MTPAP: variants seen among roughly 807,000 people sequenced by gnomAD.
MTPAP encodes poly(A) RNA polymerase, mitochondrial.
Under a neutral mutation model 48.7 loss-of-function variants are expected in MTPAP, and 23 were observed. The observed-to-expected ratio is 0.47, with a 90% CI of 0.34 to 0.67. MTPAP has a LOEUF of 0.67. MTPAP is among the 30% of genes least tolerant of loss of function. The pLI is 0.01. For missense variants in MTPAP, 614 were observed against 694.3 expected, an observed-to-expected ratio of 0.88 and a Z score of 1.30; for synonymous variants, 257 against 254.1, an observed-to-expected ratio of 1.01 and a Z score of -0.11.
Position 30,336,998 on chromosome 10 carries a change from C to T in MTPAP, c.585G>A (p.Lys195=), listed in dbSNP as rs144945655. 4.1e-4 allele frequency: 655 copies of T among 1,613,468 alleles called. 4 individuals are homozygous for T. The African/African-American group carries it at 7.6e-3, about 19-fold the overall frequency. The part of the protein sequence containing the change: ...SIDDQLNTLL[K]EFQLTEENTK... ...TGTTCTCCTCTGTTAGCTGGAACTC[C>T]TTCAAGAGAGTGTTCAGCTGATCGT... Residue 195 remains lysine (K), a synonymous_variant, in exon 4 of 9, where the codon AAG becomes AAA. Coordinates refer to ENST00000263063, the MANE Select transcript of MTPAP (RefSeq NM_018109.4).
intron 6 of MTPAP, among the ~76,000 whole-genome samples, chr10:30,317,428 A>C (rs1163862087): frequency 6.6e-6 from 1 of 152,246 alleles, no homozygotes; most frequent in Non-Finnish European, 1.5e-5. Flanking sequence ...TAATTCAGCA[A>C]AACAAACTCA....
At chr10:30,316,984 G>A (rs1355402361) in intron 6 of MTPAP, among the ~76,000 whole-genome samples, 1 of 152,078 alleles carries the variant, frequency 6.6e-6, no homozygotes, top group Admixed American at 6.6e-5. Flanking sequence ...AATTATGACT[G>A]AATGATTAAA....
chr10:30,340,384 T>A lies in MTPAP; in HGVS notation c.397A>T (p.Thr133Ser). 6.2e-7 allele frequency: 1 copy of A among 1,614,108 alleles called. No individual in the cohort carries two copies. Among genetic ancestry groups the A allele is most frequent in the Non-Finnish European group, 8.5e-7 (1 of 1,180,004 alleles). Residue 133 changes from threonine (T) to serine (S), a missense_variant, in exon 3 of 9, where the codon ACT becomes TCT. By Grantham distance (58) the Thr-to-Ser change is moderately conservative. This residue lies in a region of MTPAP where 114 missense variants were observed against 107.9 expected (regional missense o/e 1.06). Transcript: ENST00000263063. ...SIGSLQNGTH[T>S]PSTAMETAIP... is the part of the protein sequence containing the mutation. ...GCAGTCTCCATGGCCGTGCTTGGAG[T>A]ATGAGTCCCATTCTGCAGTGAACCT...
At chr10:30,319,180 T>C (rs967032441) in intron 6 of MTPAP, among the ~76,000 whole-genome samples, 1 of 152,000 alleles carries the variant, frequency 6.6e-6, no homozygotes, top group Non-Finnish European at 1.5e-5. Context: ...TCCCAACTGG[T>C]ATACAGGAAT....
In MTPAP at chr10:30,313,628, G is replaced by A; in HGVS notation, c.1730C>T (p.Thr577Ile). The A allele has an allele frequency of 1.2e-6, 2 of 1,614,132 alleles. No homozygotes were observed. The highest frequency in any genetic ancestry group is 2.2e-5 in the East Asian group (1 of 44,882). ...ENFTKTSGKRTISTQT is the reference protein window; with the variant it reads ...ENFTKTSGKRIISTQT ...CAGCCATCATGTCTGAGTACTAATTGTTCTCTTCCCACTGGTTTTTGTGAA... is the reference window on the plus strand; with the variant it reads ...CAGCCATCATGTCTGAGTACTAATTATTCTCTTCCCACTGGTTTTTGTGAA... Residue 577 changes from threonine to isoleucine, a missense_variant, in exon 9 of 9, where the codon ACA (threonine) becomes ATA (isoleucine). Thr to Ile is a moderately conservative substitution (Grantham distance 89). Coordinates refer to ENST00000263063, the MANE Select transcript of MTPAP (RefSeq NM_018109.4).
intron 4 of MTPAP, among the ~76,000 whole-genome samples, chr10:30,329,840 C>T (rs190712191): frequency 6.6e-6 from 1 of 152,102 alleles, no homozygotes; most frequent in Non-Finnish European, 1.5e-5. Flanking sequence ...ATGGTACATC[C>T]ATTCAATGGA....
intron 6 of MTPAP, among the ~76,000 whole-genome samples, chr10:30,318,867 G>A (rs758522773): frequency 2.6e-5 from 4 of 152,144 alleles, no homozygotes; most frequent in Non-Finnish European, 4.4e-5. Context: ...TGCTGAGGCA[G>A]GCACATAAAA....
intron 3 of MTPAP, among the ~76,000 whole-genome samples, chr10:30,338,245 G>C (rs978923243): frequency 6.0e-5 from 9 of 149,758 alleles, no homozygotes; most frequent in Non-Finnish European, 1.0e-4. Flanking sequence ...GGGCAACAGA[G>C]CAAGACTCCA....
intron 4 of MTPAP, among the ~76,000 whole-genome samples, chr10:30,327,850 A>G (rs1191076566): frequency 6.6e-6 from 1 of 152,024 alleles, no homozygotes; most frequent in Non-Finnish European, 1.5e-5. Flanking sequence ...CATCTCAAAA[A>G]AAAAAAAAAA....
chr10:30,318,466 T>G (rs1236138105), intron 6 of MTPAP, among the ~76,000 whole-genome samples: 1 of 152,266 alleles, frequency 6.6e-6, no homozygotes, highest in Non-Finnish European at 1.5e-5. Flanking sequence ...TATGTTTTTT[T>G]GTGATGCAGT....
chr10:30,337,606 A>AT lies in MTPAP; in HGVS notation c.556-580dup, dbSNP rs1168244214. On this transcript the variant is annotated intron_variant, in intron 3 of 8. Coordinates refer to ENST00000263063, the MANE Select transcript of MTPAP (RefSeq NM_018109.4). ...GAAATAAATTATATAATATTTTAAA[A>AT]TTTTTAAAAAGCTCTGAGGAATGCC... Among the ~76,000 whole-genome samples the AT allele has an allele frequency of 8.9e-4, 135 of 152,262 alleles. 1 individual carries two copies. Among genetic ancestry groups the AT allele is most frequent in the African/African-American group, 3.2e-3 (132 of 41,572 alleles).
chr10:30,341,330 A>G, intron 2 of MTPAP, 138 bp downstream of exon 2: 2 of 1,114,192 alleles, frequency 1.8e-6, no homozygotes, highest in Non-Finnish European at 2.5e-6. Flanking sequence ...CATTAAAGAA[A>G]TCTAGATAAA....
At chr10:30,327,159 T>C (rs899914471) in intron 4 of MTPAP, among the ~76,000 whole-genome samples, 1 of 151,952 alleles carries the variant, frequency 6.6e-6, no homozygotes, top group Admixed American at 6.6e-5. Flanking sequence ...ATGAGTTAAG[T>C]GGCCATCAAA....
Position 30,341,674 on chromosome 10 carries a change from C to A in MTPAP, c.158-34G>T, listed in dbSNP as rs775377249. Reference sequence around the variant, plus strand: ...GAGACAAAAACATTTCCACCACACGCACACACACAAAATTTTAAAAATATT... The same window carrying A: ...GAGACAAAAACATTTCCACCACACGAACACACACAAAATTTTAAAAATATT... On this transcript the variant is annotated intron_variant, in intron 1 of 8. Transcript: ENST00000263063. The A allele has an allele frequency of 1.9e-6, 3 of 1,610,776 alleles. No homozygotes were observed. In the South Asian group the frequency reaches 3.3e-5, roughly 18 times the overall value.
chr10:30,341,167 T>C (rs192571098), intron 2 of MTPAP, among the ~76,000 whole-genome samples: 57 of 151,566 alleles, frequency 3.8e-4, no homozygotes, highest in Middle Eastern at 3.5e-3. Flanking sequence ...AATATGATCG[T>C]ACCTGCCAAC....
chr10:30,349,081 C>CT (rs1226776642), intron 1 of MTPAP, 38 bp downstream of exon 1: 1 of 1,613,626 alleles, frequency 6.2e-7, no homozygotes, highest in African/African-American at 1.3e-5. Flanking sequence ...TCCTCGCCCG[C>CT]TGTGGGACGG....
Position 30,326,673 on chromosome 10 carries a change from T to TA in MTPAP, c.781-39dup, listed in dbSNP as rs763391646. The TA allele has an allele frequency of 1.1e-4, 159 of 1,501,744 alleles. 1 individual carries two copies. The highest frequency in any genetic ancestry group is 2.3e-4 in the East Asian group (10 of 44,360). The allele number at this position is 1,501,744 out of a possible 1,614,324, so 93.0% of individuals were successfully genotyped here. On this transcript the variant is annotated intron_variant, in intron 4 of 8. Coordinates refer to ENST00000263063, the MANE Select transcript of MTPAP (RefSeq NM_018109.4). ...CACATTTCTAAATAGGAGCTTTTGG[T>TA]AAAAAAAACAATTTTTTAATAAGCT...
At chr10:30,314,096 T>C (rs1187807881) in intron 8 of MTPAP, 125 bp from the exon 9 acceptor site, 3 of 1,169,758 alleles carry the variant, frequency 2.6e-6, no homozygotes, top group Non-Finnish European at 3.7e-6. Flanking sequence ...AGCAAAGAAT[T>C]TCTTTCTCAG....
intron 4 of MTPAP, among the ~76,000 whole-genome samples, chr10:30,329,010 G>A (rs1310486251): frequency 6.6e-6 from 1 of 151,958 alleles, no homozygotes; most frequent in Admixed American, 6.6e-5. Context: ...TTGGGAGGCT[G>A]AGGCAGGCGG....
Sources: allele counts gnomAD v4.1 joint callset (sites outside exome capture counted in the v4.1 genomes callset), GRCh38; gene constraint gnomAD v4.1.1; regional missense constraint gnomAD v4.1.1; transcripts MANE v1.5; gene names NCBI Gene and HGNC (gene_info 2026-07-23, HGNC 2026-07-21).